Variants in TGM3 observed in about 807,000 individuals in gnomAD.
The protein encoded by TGM3 is protein-glutamine gamma-glutamyltransferase E.
Under a neutral mutation model 73.8 loss-of-function variants are expected in TGM3, and 52 were observed. The ratio of observed to expected loss-of-function variants is 0.70; its 90% CI spans 0.56 to 0.89. TGM3 has a LOEUF of 0.89. TGM3 is among the 40% of genes least tolerant of loss of function. The pLI is 0.00. For synonymous variants in TGM3, 372 were observed against 354.9 expected, an observed-to-expected ratio of 1.05 and a Z score of -0.54; for missense variants, 928 against 909.9, an observed-to-expected ratio of 1.02 and a Z score of -0.26.
At chr20:2,302,219 C>A (rs1254421654) in intron 1 of TGM3, among the ~76,000 whole-genome samples, 1 of 152,108 alleles carries the variant, frequency 6.6e-6, no homozygotes, top group Non-Finnish European at 1.5e-5. Context: ...ACACACCCAG[C>A]GACCAAGTCA....
In TGM3 at chr20:2,328,447, C is replaced by T; in HGVS notation, c.1333+82C>T. The T allele has an allele frequency of 1.3e-6, 2 of 1,563,756 alleles. No individual in the cohort carries two copies. Among genetic ancestry groups the T allele is most frequent in the Non-Finnish European group, 1.7e-6 (2 of 1,152,666 alleles). On this transcript the variant is annotated intron_variant, in intron 9 of 12. Transcript: ENST00000381458. This position sits in a 1 kb window ranked among gnomAD's most constrained non-coding sequence, Gnocchi z 5.2. ...TCTGAGGCTGGAGAGGAGAAAAGTC[C>T]TCACCTCCCCCGCACTGGCAGCCAG...
chr20:2,300,471 G>T (rs942613509), intron 1 of TGM3, among the ~76,000 whole-genome samples: 8 of 152,180 alleles, frequency 5.3e-5, no homozygotes, highest in African/African-American at 1.9e-4. Context: ...CCTGACCATA[G>T]GGTGTCTAGG....
At chr20:2,327,661 T>A (rs6048195) in intron 8 of TGM3, among the ~76,000 whole-genome samples, 68,493 of 151,938 alleles carry the variant, frequency 0.45, 16,216 homozygotes, top group Non-Finnish European at 0.5. Context: ...CTATGCTGAG[T>A]GCTAAGAAGA....
chr20:2,317,967 T>TATATATATATA (rs2084244536), intron 7 of TGM3, among the ~76,000 whole-genome samples: 1 of 148,344 alleles, frequency 6.7e-6, no homozygotes, highest in African/African-American at 2.5e-5. Context: ...TATACACCTA[T>TATATATATATA]TGTATACCTT....
chr20:2,317,872 C>T (rs770582225), intron 7 of TGM3, among the ~76,000 whole-genome samples: 6 of 150,678 alleles, frequency 4.0e-5, no homozygotes, highest in Non-Finnish European at 5.9e-5. Flanking sequence ...ATCCATATGA[C>T]TTACAAACTT....
intron 5 of TGM3, among the ~76,000 whole-genome samples, chr20:2,313,886 C>T (rs1323150288): frequency 2.6e-5 from 4 of 151,972 alleles, no homozygotes; most frequent in Admixed American, 2.6e-4. Context: ...AAAAAACTAG[C>T]CAGGCATAGG....
rs2084323857 is a variant in TGM3 at position 2,332,130 on chromosome 20, A to C, written c.1462A>C (p.Lys488Gln). The part of the protein sequence containing the change: ...EQEPSIIGKL[K>Q]VAGMLAVGKE... ...GGAGCCCAGCATCATCGGGAAGCTG[A>C]AGGTCGCTGGCATGCTGGCAGTAGG... The change falls in exon 10 of 13, where the codon AAG becomes CAG. Residue 488 changes from lysine to glutamine, a missense_variant. Lys to Gln is a moderately conservative substitution (Grantham distance 53, BLOSUM62 1). Transcript: ENST00000381458. This position sits in a 1 kb window ranked among gnomAD's most constrained non-coding sequence, Gnocchi z 4.4. 6.2e-7 allele frequency: 1 copy of C among 1,614,210 alleles called. No individual in the cohort carries two copies. Among genetic ancestry groups the C allele is most frequent in the Non-Finnish European group, 8.5e-7 (1 of 1,180,032 alleles).
intron 7 of TGM3, among the ~76,000 whole-genome samples, chr20:2,320,866 C>T (rs2084259045): frequency 6.6e-6 from 1 of 152,182 alleles, no homozygotes; most frequent in Non-Finnish European, 1.5e-5. Flanking sequence ...TTTCTTCATT[C>T]ATTTGGCTTG....
At chr20:2,307,716 A>G (rs1442685735) in intron 1 of TGM3, among the ~76,000 whole-genome samples, 14 of 152,136 alleles carry the variant, frequency 9.2e-5, no homozygotes, top group Non-Finnish European at 1.9e-4. Context: ...ATTGTGCCTC[A>G]CACAATGTCC....
At chr20:2,310,125 C>G in intron 2 of TGM3, 53 bp from the exon 3 acceptor site, 1 of 1,606,150 alleles carries the variant, frequency 6.2e-7, no homozygotes, top group Non-Finnish European at 8.5e-7. Context: ...CCTGGTCTCT[C>G]CACAGTCTGA....
chr20:2,311,449 A>G (rs2084203069), intron 4 of TGM3, among the ~76,000 whole-genome samples: 1 of 152,222 alleles, frequency 6.6e-6, no homozygotes, highest in South Asian at 2.1e-4. Flanking sequence ...AAGGCCCCCA[A>G]GAGACACTGG....
At chr20:2,314,382 A>T (rs2084222506) in intron 5 of TGM3, among the ~76,000 whole-genome samples, 1 of 151,972 alleles carries the variant, frequency 6.6e-6, no homozygotes, top group East Asian at 1.9e-4. Context: ...ACCTGCTCAA[A>T]AGTTGTAAGT....
Position 2,317,251 on chromosome 20 carries a change from T to C in TGM3, c.847+6T>C. 1 of 1,614,038 alleles carries C rather than the reference T, an allele frequency of 6.2e-7. No homozygotes were observed. The highest frequency in any genetic ancestry group is 1.1e-5 in the South Asian group (1 of 91,084). ...TGCTGGGACCCTCAACACAGGTACC[T>C]TGGGTGTGGTGTGCCTTGGCTGGGT... is the stretch of plus-strand genomic sequence containing the variant. On this transcript the variant is annotated splice_donor_region_variant and intron_variant, in intron 6 of 12. Transcript: ENST00000381458.
chr20:2,296,082 GC>G lies in TGM3; in HGVS notation c.7+13del, dbSNP rs771669604. 36 of 1,550,360 alleles carry G rather than the reference GC, an allele frequency of 2.3e-5. No homozygotes were observed. The highest frequency in any genetic ancestry group is 3.0e-5 in the Non-Finnish European group (34 of 1,146,886). ...GCGAAACATGGCTGGTGAGTGCATG[GC>G]ATCTTCTCCATCAGGTCCTTGCCAG... On this transcript the variant is annotated intron_variant, in intron 1 of 12. Coordinates refer to ENST00000381458, the MANE Select transcript of TGM3 (RefSeq NM_003245.4).
Position 2,325,957 on chromosome 20 carries a change from C to T in TGM3, c.1087+5C>T, listed in dbSNP as rs776643989. 1 of 1,586,294 alleles carries T rather than the reference C, an allele frequency of 6.3e-7. No individual in the cohort carries two copies. Among genetic ancestry groups the T allele is most frequent in the Non-Finnish European group, 8.6e-7 (1 of 1,164,522 alleles). Reference sequence around the variant, plus strand: ...CCCCGCAGGAAAGAAGCCAAGGTAACTTCTCTGGGTGTGGTTCTGAGTCGT... The same window carrying T: ...CCCCGCAGGAAAGAAGCCAAGGTAATTTCTCTGGGTGTGGTTCTGAGTCGT... On this transcript the variant is annotated splice_donor_5th_base_variant and intron_variant, in intron 8 of 12. Transcript: ENST00000381458.
At position 2,312,958 on chromosome 20, in the gene TGM3, C is replaced by T. The variant is rs143880505; in HGVS notation, c.601C>T (p.Arg201Cys). Reference protein sequence around the residue: ...SILDRSLNFRRDAATDVASRN... With the variant: ...SILDRSLNFRCDAATDVASRN... The stretch of plus-strand genomic sequence containing the variant: ...CTTGGATAGGAGTCTGAATTTCCGC[C>T]GTGACGCTGCTACTGATGTGGCCAG... The change falls in exon 5 of 13, where the codon CGT becomes TGT. Residue 201 changes from arginine (R) to cysteine (C), a missense_variant. Physicochemically the swap from Arg to Cys is radical, Grantham distance 180 (BLOSUM62 -3). Coordinates refer to ENST00000381458, the MANE Select transcript of TGM3 (RefSeq NM_003245.4). 1.9e-5 allele frequency: 31 copies of T among 1,614,056 alleles called. No homozygotes were observed. Among genetic ancestry groups the T allele is most frequent in the Middle Eastern group, 1.6e-4 (1 of 6,084 alleles).
chr20:2,332,142 A>C lies in TGM3; in HGVS notation c.1474A>C (p.Met492Leu), dbSNP rs201410609. 103 of 1,614,242 alleles carry C rather than the reference A, an allele frequency of 6.4e-5. No homozygotes were observed. In the Admixed American group the frequency reaches 1.7e-3, roughly 27 times the overall value. Residue 492 changes from methionine (M) to leucine (L), a missense_variant, in exon 10 of 13, where the codon ATG (methionine) becomes CTG (leucine). Coordinates refer to ENST00000381458, the MANE Select transcript of TGM3 (RefSeq NM_003245.4). This position sits in a 1 kb window ranked among gnomAD's most constrained non-coding sequence, Gnocchi z 4.4. ...SIIGKLKVAG[M>L]LAVGKEVNLV... Reference sequence around the variant, plus strand: ...CATCGGGAAGCTGAAGGTCGCTGGCATGCTGGCAGTAGGCAAAGAAGTCAA... The same window carrying C: ...CATCGGGAAGCTGAAGGTCGCTGGCCTGCTGGCAGTAGGCAAAGAAGTCAA...
intron 1 of TGM3, among the ~76,000 whole-genome samples, chr20:2,299,475 C>G (rs2084130923): frequency 1.3e-5 from 2 of 152,172 alleles, no homozygotes; most frequent in South Asian, 4.1e-4. Flanking sequence ...ATGGAGCAAT[C>G]ATTCTCCTCC....
In TGM3 at chr20:2,340,795, A is replaced by G. The variant is rs1336463928; in HGVS notation, c.*214A>G. 1 of 700,888 alleles carries G rather than the reference A, an allele frequency of 1.4e-6. No homozygotes were observed. The highest frequency in any genetic ancestry group is 1.5e-5 in the South Asian group (1 of 66,980). 43.4% of individuals were successfully genotyped at this position (700,888 alleles called of 1,614,324 possible). ...TGTCCTATGACTTGATCACTTTTGC[A>G]CATTCCCTGGCCGCTTCTCCCCAGA... is the stretch of plus-strand genomic sequence containing the variant. On this transcript the variant is annotated 3_prime_UTR_variant, in exon 13 of 13. Transcript: ENST00000381458.
Sources: gnomAD v4.1 joint callset for allele counts (sites outside exome capture counted in the v4.1 genomes callset) on GRCh38, gnomAD v4.1.1 for gene constraint, Gnocchi (gnomAD v3.1) non-coding constraint, MANE v1.5 for transcripts, NCBI Gene and HGNC (gene_info 2026-07-23, HGNC 2026-07-21) for gene names.